Variants in WDR7 observed in about 807,000 individuals in gnomAD.
The protein encoded by WDR7 is WD repeat-containing protein 7.
Under a neutral mutation model 169.4 loss-of-function variants are expected in WDR7, and 46 were observed. The ratio of observed to expected loss-of-function variants is 0.27; its 90% confidence interval spans 0.21 to 0.35. The LOEUF (loss-of-function observed/expected upper bound fraction) is 0.35, where lower values mean the gene tolerates loss of function less well. Ranked by LOEUF, WDR7 falls within the 10% of genes least tolerant of loss-of-function variation. The probability of loss-of-function intolerance (pLI) is 1.00; values close to 1 mark genes in which losing one functional copy is unlikely to be tolerated. For missense variants in WDR7, 1,534 were observed against 1,859.3 expected (o/e 0.83, Z 3.22); for synonymous variants, 612 against 666.8 (o/e 0.92, Z 1.27).
At chr18:56,659,303 G>A (rs1327501280) in intron 1 of WDR7, among the ~76,000 whole-genome samples, 2 of 152,050 alleles carry the variant, frequency 1.3e-5, no homozygotes, top group African/African-American at 2.4e-5. Flanking sequence ...ATATAAAATC[G>A]GGATATACTT....
chr18:57,013,486 G>A (rs12969494), intron 26 of WDR7, among the ~76,000 whole-genome samples: 27,409 of 152,102 alleles, frequency 0.18, 3,231 homozygotes, highest in Middle Eastern at 0.31. Context: ...AAAGTATTAC[G>A]TTATATGATG....
At chr18:56,971,830 G>A (rs933233791) in intron 26 of WDR7, among the ~76,000 whole-genome samples, 9 of 152,004 alleles carry the variant, frequency 5.9e-5, no homozygotes, top group African/African-American at 1.2e-4. Context: ...GTGTGTGAAC[G>A]GTCCATATTA....
At chr18:56,960,505 C>T (rs1435326179) in intron 25 of WDR7, among the ~76,000 whole-genome samples, 1 of 152,096 alleles carries the variant, frequency 6.6e-6, no homozygotes, top group Non-Finnish European at 1.5e-5. Context: ...TGCCTATTAA[C>T]CTGCACAGAA....
intron 12 of WDR7, among the ~76,000 whole-genome samples, chr18:56,701,260 G>A (rs1293283065): frequency 1.3e-5 from 2 of 152,184 alleles, no homozygotes; most frequent in East Asian, 3.8e-4. Context: ...GAAAAGACCT[G>A]AGAGGTTTGA....
intron 19 of WDR7, among the ~76,000 whole-genome samples, chr18:56,800,034 T>C (rs2044646400): frequency 6.6e-6 from 1 of 152,214 alleles, no homozygotes; most frequent in South Asian, 2.1e-4. Flanking sequence ...GACTTTGCTA[T>C]GTTTTTATTT....
At chr18:56,825,275 A>G (rs1252344493) in intron 20 of WDR7, among the ~76,000 whole-genome samples, 3 of 152,218 alleles carry the variant, frequency 2.0e-5, no homozygotes, top group East Asian at 3.9e-4. Context: ...GGTTGTTTGC[A>G]TGTAATATTT....
At chr18:56,838,299 A>T (rs1044127999) in intron 20 of WDR7, among the ~76,000 whole-genome samples, 3 of 152,114 alleles carry the variant, frequency 2.0e-5, no homozygotes, top group African/African-American at 7.2e-5. Context: ...TAAAGCAGGG[A>T]TATACAGCTT....
At chr18:56,864,445 T>G (rs1259235595) in intron 20 of WDR7, among the ~76,000 whole-genome samples, 5 of 151,690 alleles carry the variant, frequency 3.3e-5, no homozygotes, top group African/African-American at 1.2e-4. Context: ...GAAGAACAAT[T>G]TAATGTCTTG....
intron 20 of WDR7, among the ~76,000 whole-genome samples, chr18:56,867,535 G>A (rs761852478): frequency 1.3e-5 from 2 of 152,136 alleles, no homozygotes; most frequent in Non-Finnish European, 2.9e-5. Flanking sequence ...TCATTGGGAG[G>A]GAGATAGATA....
chr18:56,863,502 A>T (rs941146845), intron 20 of WDR7, among the ~76,000 whole-genome samples: 2 of 151,732 alleles, frequency 1.3e-5, no homozygotes, highest in African/African-American at 4.8e-5. Flanking sequence ...GAGCACAGTC[A>T]GGTTCAGTGG....
At chr18:56,915,741 T>A (rs1447335372) in intron 21 of WDR7, among the ~76,000 whole-genome samples, 3 of 152,334 alleles carry the variant, frequency 2.0e-5, no homozygotes, top group East Asian at 1.9e-4. Flanking sequence ...TCTCTGGTTT[T>A]GTAATAATTC....
chr18:57,006,119 A>T (rs1368540395), intron 26 of WDR7, among the ~76,000 whole-genome samples: 1 of 152,208 alleles, frequency 6.6e-6, no homozygotes, highest in African/African-American at 2.4e-5. Flanking sequence ...TAAAATTAGC[A>T]TGCATAGTAT....
intron 21 of WDR7, among the ~76,000 whole-genome samples, chr18:56,887,012 AC>A (rs1283058712): frequency 6.6e-6 from 1 of 152,166 alleles, no homozygotes; most frequent in Non-Finnish European, 1.5e-5. Context: ...AGATAGCAAC[AC>A]AATAATAATG....
chr18:57,017,507 G>GTGTA (rs1555726496), intron 26 of WDR7, among the ~76,000 whole-genome samples: 5 of 151,310 alleles, frequency 3.3e-5, no homozygotes, highest in African/African-American at 1.2e-4. Context: ...GTGTGTGTGT[G>GTGTA]TGTGTGTGTG....
At chr18:56,820,339 CA>C (rs386387798) in intron 20 of WDR7, among the ~76,000 whole-genome samples, 58 of 42,478 alleles carry the variant, frequency 1.4e-3, no homozygotes, top group African/African-American at 5.5e-3. Context: ...CTGACATTGT[CA>C]AAAAAAAAAA....
intron 26 of WDR7, among the ~76,000 whole-genome samples, chr18:56,985,566 T>C (rs182572912): frequency 4.6e-5 from 7 of 152,254 alleles, no homozygotes. Context: ...CTATATCAAG[T>C]ACACAAAATC....
At position 56,912,482 on chromosome 18, in the gene WDR7, A is replaced by G. The variant is rs561231569; in HGVS notation, c.3527-11440A>G. On this transcript the variant is annotated intron_variant, in intron 21 of 27. Transcript: ENST00000254442. The stretch of plus-strand genomic sequence containing the variant: ...TATATAATTGTGTACATTCTATACT[A>G]AATACTCTGACTAAATTTACCTTCT... Among the ~76,000 whole-genome samples, 8 of 152,272 alleles carry G rather than the reference A, an allele frequency of 5.3e-5. No individual in the cohort carries two copies. The East Asian group carries it at 9.7e-4, about 18-fold the overall frequency.
At chr18:56,656,427 A>G (rs566423661) in intron 1 of WDR7, among the ~76,000 whole-genome samples, 4 of 151,636 alleles carry the variant, frequency 2.6e-5, no homozygotes, top group African/African-American at 4.8e-5. Context: ...CTACAAGCGC[A>G]TGCCACCACA....
chr18:56,798,582 C>T (rs1234293124), intron 19 of WDR7, among the ~76,000 whole-genome samples: 1 of 152,082 alleles, frequency 6.6e-6, no homozygotes, highest in Admixed American at 6.6e-5. Flanking sequence ...TGCCTTTTCT[C>T]CAATTACATT....
Sources: gnomAD v4.1 joint callset for allele counts (sites outside exome capture counted in the v4.1 genomes callset) on GRCh38, gnomAD v4.1.1 for gene constraint, MANE v1.5 for transcripts, NCBI Gene and HGNC (gene_info 2026-07-23, HGNC 2026-07-21) for gene names.